The following SLC24A2 variants were observed in gnomAD, a reference collection of about 807,000 sequenced individuals.
SLC24A2 encodes sodium/potassium/calcium exchanger 2.
A neutral mutation model predicts 62.0 loss-of-function variants in SLC24A2; 36 were observed. The ratio of observed to expected loss-of-function variants is 0.58; its 90% CI spans 0.44 to 0.77. SLC24A2 has a LOEUF of 0.77. SLC24A2 is among the 30% of genes least tolerant of loss of function. The pLI is 0.00. For missense variants in SLC24A2, 846 were observed against 817.9 expected (o/e 1.03, Z -0.42); for synonymous variants, 358 against 294.0 (o/e 1.22, Z -2.23).
chr9:19,969,108 G>T, the SLC24A2 span, among the ~76,000 whole-genome samples: 1 of 150,814 alleles, frequency 6.6e-6, no homozygotes, highest in African/African-American at 2.4e-5. Flanking sequence ...AAGGCTTCTT[G>T]TGTTTTAAAC....
the SLC24A2 span, among the ~76,000 whole-genome samples, chr9:20,289,484 T>A: frequency 6.6e-6 from 1 of 152,196 alleles, no homozygotes; most frequent in Non-Finnish European, 1.5e-5. Flanking sequence ...TCTTCCCCGT[T>A]TCTTGCTGCC....
intron 2 of SLC24A2, among the ~76,000 whole-genome samples, chr9:19,754,488 T>C (rs973645173): frequency 1.3e-5 from 2 of 152,152 alleles, no homozygotes; most frequent in South Asian, 2.1e-4. Context: ...GCCTTCCTGA[T>C]CTGCAGAGGC....
chr9:19,680,642 GTATA>G (rs1411941506), intron 2 of SLC24A2, among the ~76,000 whole-genome samples: 2 of 149,624 alleles, frequency 1.3e-5, no homozygotes, highest in African/African-American at 4.9e-5. Context: ...CTTTATGAAA[GTATA>G]TATTTCATTT....
the SLC24A2 span, among the ~76,000 whole-genome samples, chr9:20,232,270 C>A: frequency 6.6e-6 from 1 of 152,160 alleles, no homozygotes; most frequent in Non-Finnish European, 1.5e-5. Flanking sequence ...AGGGAGGATT[C>A]CTTCTTTTTC....
the SLC24A2 span, among the ~76,000 whole-genome samples, chr9:20,253,126 C>G: frequency 6.6e-6 from 1 of 152,196 alleles, no homozygotes; most frequent in Non-Finnish European, 1.5e-5. Flanking sequence ...GAAGTCTTGA[C>G]TGTTAGATAG....
chr9:19,761,387 G>A (rs1822321985), intron 2 of SLC24A2, among the ~76,000 whole-genome samples: 1 of 152,028 alleles, frequency 6.6e-6, no homozygotes, highest in Non-Finnish European at 1.5e-5. Context: ...TTGTGGTTTT[G>A]ATTTGCATTT....
At chr9:20,061,646 C>T in the SLC24A2 span, among the ~76,000 whole-genome samples, 1 of 152,134 alleles carries the variant, frequency 6.6e-6, no homozygotes, top group African/African-American at 2.4e-5. Context: ...ATAGTCTTTT[C>T]AATAGATGGT....
At chr9:19,836,121 G>T in the SLC24A2 span, among the ~76,000 whole-genome samples, 1 of 152,112 alleles carries the variant, frequency 6.6e-6, no homozygotes, top group African/African-American at 2.4e-5. Flanking sequence ...ACAAGAGAAA[G>T]CAGGAAAGAT....
the SLC24A2 span, among the ~76,000 whole-genome samples, chr9:20,177,056 C>A: frequency 6.6e-6 from 1 of 152,070 alleles, no homozygotes; most frequent in African/African-American, 2.4e-5. Flanking sequence ...TAAATTATTA[C>A]CATGGTTATT....
chr9:19,981,487 G>T, the SLC24A2 span, among the ~76,000 whole-genome samples: 1 of 152,108 alleles, frequency 6.6e-6, no homozygotes, highest in Admixed American at 6.6e-5. Flanking sequence ...ATTTGCTCTA[G>T]CATTTTTGGT....
chr9:19,894,613 T>C, the SLC24A2 span, among the ~76,000 whole-genome samples: 1 of 152,198 alleles, frequency 6.6e-6, no homozygotes, highest in Admixed American at 6.5e-5. Context: ...CTAATTCAAT[T>C]TTTTTTCTAA....
At chr9:19,953,966 TCC>T in the SLC24A2 span, among the ~76,000 whole-genome samples, 3 of 151,542 alleles carry the variant, frequency 2.0e-5, no homozygotes, top group African/African-American at 7.3e-5. Context: ...CTCTACTTTT[TCC>T]TAAAAAAAAA....
At chr9:19,728,869 A>G (rs975578016) in intron 2 of SLC24A2, among the ~76,000 whole-genome samples, 1 of 152,204 alleles carries the variant, frequency 6.6e-6, no homozygotes, top group African/African-American at 2.4e-5. Context: ...GCTGAGACTA[A>G]AAAGCCAAGC....
chr9:19,897,593 CAT>C, the SLC24A2 span, among the ~76,000 whole-genome samples: 1 of 152,140 alleles, frequency 6.6e-6, no homozygotes, highest in Non-Finnish European at 1.5e-5. Context: ...GGGCAACAAA[CAT>C]GTGTCCTCAT....
chr9:19,635,912 G>A (rs1440059711), intron 2 of SLC24A2, among the ~76,000 whole-genome samples: 1 of 152,204 alleles, frequency 6.6e-6, no homozygotes, highest in African/African-American at 2.4e-5. Context: ...CATTTTGTAT[G>A]TATGCAGTAG....
chr9:20,013,954 A>G, the SLC24A2 span, among the ~76,000 whole-genome samples: 102 of 152,330 alleles, frequency 6.7e-4, no homozygotes, highest in African/African-American at 2.2e-3. Flanking sequence ...CATGCCTGTT[A>G]TCCTAGCACT....
intron 9 of SLC24A2, among the ~76,000 whole-genome samples, chr9:19,524,418 CAAAAAA>C (rs34416897): frequency 8.4e-6 from 1 of 119,056 alleles, no homozygotes; most frequent in Non-Finnish European, 1.8e-5. Flanking sequence ...AAGATAAAGG[CAAAAAA>C]AAAAAAAAAA....
chr9:20,187,241 C>T, the SLC24A2 span, among the ~76,000 whole-genome samples: 1,965 of 152,238 alleles, frequency 0.013, 32 homozygotes, highest in African/African-American at 0.041. Context: ...TTTTGATATG[C>T]CCATAGGTTC....
chr9:19,798,739 A>G, the SLC24A2 span, among the ~76,000 whole-genome samples: 1 of 152,132 alleles, frequency 6.6e-6, no homozygotes, highest in South Asian at 2.1e-4. Flanking sequence ...TGTATGAAGT[A>G]TTCTTCTTAT....
Sources: gnomAD v4.1 joint callset for allele counts (sites outside exome capture counted in the v4.1 genomes callset) on GRCh38, gnomAD v4.1.1 for gene constraint, MANE v1.5 for transcripts, NCBI Gene and HGNC (gene_info 2026-07-23, HGNC 2026-07-21) for gene names.